CLC: variants seen among roughly 807,000 people sequenced by gnomAD.
CLC encodes the protein Charcot-Leyden crystal galectin.
CLC carries 15 observed loss-of-function variants against 13.9 expected under a neutral mutation model. That is an observed-to-expected ratio of 1.08 (90% CI 0.72 to 1.66). The LOEUF is 1.66. CLC is among the 40% of genes most tolerant of loss of function. The probability of loss-of-function intolerance (pLI) is 0.00; values close to 1 mark genes in which losing one functional copy is unlikely to be tolerated. For missense variants in CLC, 161 were observed against 169.1 expected (o/e 0.95, Z 0.27); for synonymous variants, 68 against 59.9 (o/e 1.14, Z -0.63).
intron 3 of CLC, among the ~76,000 whole-genome samples, chr19:39,732,731 C>T (rs1307806498): frequency 3.3e-5 from 5 of 150,934 alleles, no homozygotes; most frequent in African/African-American, 1.2e-4. Flanking sequence ...TCTCCACATC[C>T]TCTCCAGCAC....
chr19:39,732,080 TA>T (rs1228500127), intron 3 of CLC, among the ~76,000 whole-genome samples: 47 of 100,354 alleles, frequency 4.7e-4, no homozygotes, highest in South Asian at 1.6e-3. Flanking sequence ...ATTTATTTAT[TA>T]TTTATTTTTT....
chr19:39,734,098 CTG>C (rs1245343555), intron 3 of CLC, 183 bp downstream of exon 3: 10 of 983,814 alleles, frequency 1.0e-5, no homozygotes, highest in Non-Finnish European at 1.1e-5. Context: ...AAGGGAACCC[CTG>C]TGTGTGTGAT....
Position 39,734,994 on chromosome 19 carries a change from C to A in CLC, c.92+3G>T. 6.2e-7 allele frequency: 1 copy of A among 1,607,626 alleles called. No individual in the cohort carries two copies. Among genetic ancestry groups the A allele is most frequent in the Non-Finnish European group, 8.5e-7 (1 of 1,174,100 alleles). On this transcript the variant is annotated splice_donor_region_variant and intron_variant, in intron 2 of 3. Transcript: ENST00000221804. ...TCCCATCTTTGCACCATGGAGTACT[C>A]ACAAGAAACAGGCAAGTGGTCGCCC...
At chr19:39,735,571 C>T (rs1045158598) in intron 1 of CLC, among the ~76,000 whole-genome samples, 3 of 152,172 alleles carry the variant, frequency 2.0e-5, no homozygotes, top group Non-Finnish European at 4.4e-5. Flanking sequence ...TTGTCTCAGC[C>T]TCCCAAACTC....
At chr19:39,733,317 G>C (rs1173736812) in intron 3 of CLC, among the ~76,000 whole-genome samples, 1 of 152,162 alleles carries the variant, frequency 6.6e-6, no homozygotes, top group African/African-American at 2.4e-5. Context: ...CATTTGAAAT[G>C]TCAGAAACTT....
At chr19:39,733,936 A>G in intron 3 of CLC, 1 of 984,784 alleles carries the variant, frequency 1.0e-6, no homozygotes, top group Non-Finnish European at 1.2e-6. Context: ...AGGGGAAGAT[A>G]GAGGATATTC....
chr19:39,734,364 C>T lies in CLC; in HGVS notation c.222G>A (p.Gln74=). The change falls in exon 3 of 4, where the codon CAG becomes CAA. Residue 74 remains glutamine, a synonymous_variant. Transcript: ENST00000221804. ...MNSREYGAWK[Q]QVESKNMPFQ... The stretch of plus-strand genomic sequence containing the variant: ...AGGGCATATTCTTGGATTCCACCTG[C>T]TGCTTCCAGGCCCCATACTCACGGC... 5 of 1,614,108 alleles carry T rather than the reference C, an allele frequency of 3.1e-6. No homozygotes were observed. The highest frequency in any genetic ancestry group is 1.1e-5 in the South Asian group (1 of 91,078).
chr19:39,733,541 G>A (rs932645388), intron 3 of CLC, among the ~76,000 whole-genome samples: 1 of 152,170 alleles, frequency 6.6e-6, no homozygotes. Flanking sequence ...CCAACTCAGT[G>A]CTCTTGTAAA....
intron 3 of CLC, among the ~76,000 whole-genome samples, chr19:39,732,166 G>A (rs1419074392): frequency 8.2e-6 from 1 of 121,380 alleles, no homozygotes; most frequent in Non-Finnish European, 1.7e-5. Context: ...GTGCCATGCT[G>A]GTGCTCTGCA....
intron 2 of CLC, 74 bp from the exon 3 acceptor site, chr19:39,734,567 T>G: frequency 3.0e-6 from 4 of 1,324,626 alleles, no homozygotes; most frequent in Non-Finnish European, 3.3e-6. Flanking sequence ...CACAAGTCTC[T>G]TTGCCCCTTC....
chr19:39,737,844 C>T, intron 1 of CLC, 94 bp downstream of exon 1: 1 of 1,283,668 alleles, frequency 7.8e-7, no homozygotes. Flanking sequence ...AAAGCATTCA[C>T]AGTAGAAATT....
intron 3 of CLC, chr19:39,733,863 AAC>A: frequency 1.1e-6 from 1 of 911,474 alleles, no homozygotes; most frequent in Non-Finnish European, 1.3e-6. Flanking sequence ...GACTGACTAA[AAC>A]AATTTTATTC....
intron 1 of CLC, among the ~76,000 whole-genome samples, chr19:39,735,803 G>T (rs905006142): frequency 6.6e-6 from 1 of 152,184 alleles, no homozygotes; most frequent in African/African-American, 2.4e-5. Flanking sequence ...AACAAGGAGG[G>T]TCCTTGTGGA....
At chr19:39,734,592 G>T in intron 2 of CLC, 99 bp from the exon 3 acceptor site, 1 of 1,006,626 alleles carries the variant, frequency 9.9e-7, no homozygotes. Context: ...GTCGAGCAAA[G>T]ACTTGTTGGT....
chr19:39,737,737 A>G (rs1967334724), intron 1 of CLC, among the ~76,000 whole-genome samples: 1 of 152,118 alleles, frequency 6.6e-6, no homozygotes, highest in Admixed American at 6.6e-5. Flanking sequence ...AGAGGGTCAC[A>G]ATGTTCCAGC....
At chr19:39,734,553 C>T in intron 2 of CLC, 60 bp from the exon 3 acceptor site, 2 of 1,403,922 alleles carry the variant, frequency 1.4e-6, no homozygotes, top group Non-Finnish European at 2.0e-6. Flanking sequence ...ACACAAGACA[C>T]ACACACAAGT....
intron 1 of CLC, among the ~76,000 whole-genome samples, chr19:39,735,479 C>A (rs1967294327): frequency 6.6e-6 from 1 of 152,146 alleles, no homozygotes; most frequent in African/African-American, 2.4e-5. Flanking sequence ...CCACACCCAG[C>A]TAATTTTATA....
intron 1 of CLC, among the ~76,000 whole-genome samples, chr19:39,736,571 T>C (rs1213997605): frequency 1.3e-5 from 2 of 151,968 alleles, no homozygotes; most frequent in Non-Finnish European, 2.9e-5. Flanking sequence ...GGTCAGGAGT[T>C]CGAGACCAGC....
intron 3 of CLC, among the ~76,000 whole-genome samples, chr19:39,732,372 G>A (rs1232059657): frequency 2.2e-5 from 2 of 90,100 alleles, no homozygotes; most frequent in African/African-American, 1.0e-4. Flanking sequence ...TGAGAATGAT[G>A]ATTTCCAATT....
Sources: allele counts gnomAD v4.1 joint callset (sites outside exome capture counted in the v4.1 genomes callset), GRCh38; gene constraint gnomAD v4.1.1; transcripts MANE v1.5; gene names NCBI Gene and HGNC (gene_info 2026-07-23, HGNC 2026-07-21).